SLC39A9: variants seen among roughly 807,000 people sequenced by gnomAD.
SLC39A9 encodes the protein zinc transporter ZIP9.
A neutral mutation model predicts 28.4 loss-of-function variants in SLC39A9; 14 were observed. The observed-to-expected ratio is 0.49, with a 90% CI of 0.33 to 0.77. The LOEUF (loss-of-function observed/expected upper bound fraction) is 0.77. SLC39A9 is among the 30% of genes least tolerant of loss of function. The pLI is 0.02. For synonymous variants in SLC39A9, 119 were observed against 149.6 expected (o/e 0.80, Z 1.49); for missense variants, 283 against 381.1 (o/e 0.74, Z 2.14).
At chr14:69,422,401 A>T (rs192804111) in intron 1 of SLC39A9, among the ~76,000 whole-genome samples, 1 of 151,784 alleles carries the variant, frequency 6.6e-6, no homozygotes, top group East Asian at 1.9e-4. Flanking sequence ...GTAGTTTTTT[A>T]TTATTTTTTA....
In SLC39A9 at chr14:69,460,959, G is replaced by A; in HGVS notation, c.*2366G>A. 1.0e-6 allele frequency: 1 copy of A among 985,622 alleles called. No homozygotes were observed. Among genetic ancestry groups the A allele is most frequent in the African/African-American group, 1.7e-5 (1 of 57,366 alleles). The allele number at this position is 985,622 out of a possible 1,614,324, so 61.1% of individuals were successfully genotyped here. A position where few individuals can be genotyped will look rare whatever the true frequency, so the allele number is the denominator to read the frequency against. On this transcript the variant is annotated 3_prime_UTR_variant, in exon 7 of 7. Coordinates refer to ENST00000336643, the MANE Select transcript of SLC39A9 (RefSeq NM_018375.5). ...GCACAGGCCTTCTTGACTGGAGGAA[G>A]AGCTTGCTGGCATGGTGGGCAGTAT...
At position 69,461,215 on chromosome 14, in the gene SLC39A9, A is replaced by T; in HGVS notation, c.*2622A>T. 1.0e-6 allele frequency: 1 copy of T among 987,848 alleles called. No individual in the cohort carries two copies. The highest frequency in any genetic ancestry group is 1.2e-6 in the Non-Finnish European group (1 of 831,482). 61.2% of individuals were successfully genotyped at this position (987,848 alleles called of 1,614,324 possible). A position where few individuals can be genotyped will look rare whatever the true frequency, so the allele number is the denominator to read the frequency against. ...TTCCATATAACCAAAGTTAATCTTAATTGCAATTTGACTCCGTTTCCTTGG... is the reference window on the plus strand; with the variant it reads ...TTCCATATAACCAAAGTTAATCTTATTTGCAATTTGACTCCGTTTCCTTGG... On this transcript the variant is annotated 3_prime_UTR_variant, in exon 7 of 7. Transcript: ENST00000336643.
intron 2 of SLC39A9, among the ~76,000 whole-genome samples, chr14:69,425,566 A>G (rs966593215): frequency 6.6e-6 from 1 of 152,246 alleles, no homozygotes; most frequent in Non-Finnish European, 1.5e-5. Context: ...AGTAGAGGAA[A>G]GAAGTGCTTC....
At chr14:69,413,979 T>G (rs1420535140) in intron 1 of SLC39A9, among the ~76,000 whole-genome samples, 1 of 152,090 alleles carries the variant, frequency 6.6e-6, no homozygotes, top group East Asian at 1.9e-4. Flanking sequence ...AACATGGGTC[T>G]AAAGATTAAT....
chr14:69,454,893 ATAAGG>A lies in SLC39A9; in HGVS notation c.558+1_558+5del, dbSNP rs771349704. 6.2e-7 allele frequency: 1 copy of A among 1,613,336 alleles called. No individual in the cohort carries two copies. Among genetic ancestry groups the A allele is most frequent in the South Asian group, 1.1e-5 (1 of 90,942 alleles). On this transcript the variant is annotated splice_donor_variant and coding_sequence_variant, in exon 5 of 7. Coordinates refer to ENST00000336643, the MANE Select transcript of SLC39A9 (RefSeq NM_018375.5). LOFTEE classifies it high-confidence loss of function. ...ATTGTGTTTGTGGCAATCATGCTACATAAGGTAAGCAACATTTTGGTGTAAGGTTT... is the reference window on the plus strand; with the variant it reads ...ATTGTGTTTGTGGCAATCATGCTACATAAGCAACATTTTGGTGTAAGGTTT...
intron 1 of SLC39A9, among the ~76,000 whole-genome samples, chr14:69,419,700 A>G (rs1883776903): frequency 6.6e-6 from 1 of 152,154 alleles, no homozygotes; most frequent in African/African-American, 2.4e-5. Context: ...TTGGGTGCAT[A>G]TATGTTTAGG....
Position 69,461,761 on chromosome 14 carries a change from G to C in SLC39A9, c.*3168G>C. 6.5e-7 allele frequency: 1 copy of C among 1,534,174 alleles called. No individual in the cohort carries two copies. Among genetic ancestry groups the C allele is most frequent in the Non-Finnish European group, 8.7e-7 (1 of 1,145,634 alleles). ...AAGCCCCTGAAACACATGGTAGCTA[G>C]GGACTGAACACAGGAACCGTATGAC... On this transcript the variant is annotated 3_prime_UTR_variant, in exon 7 of 7. Coordinates refer to ENST00000336643, the MANE Select transcript of SLC39A9 (RefSeq NM_018375.5).
At position 69,443,901 on chromosome 14, in the gene SLC39A9, T is replaced by C. The variant is rs145411001; in HGVS notation, c.403+1635T>C. Among the ~76,000 whole-genome samples, 982 of 150,544 alleles carry C rather than the reference T, an allele frequency of 6.5e-3. 6 individuals carry two copies. The highest frequency in any genetic ancestry group is 0.023 in the African/African-American group (938 of 40,928). On this transcript the variant is annotated intron_variant, in intron 3 of 6. Coordinates refer to ENST00000336643, the MANE Select transcript of SLC39A9 (RefSeq NM_018375.5). ...ATAATGATAATAAAAATAAAGGAAA[T>C]GTGGCCAAGCGTGGTGGCTCATGCC...
intron 4 of SLC39A9, among the ~76,000 whole-genome samples, chr14:69,453,791 A>G (rs1345102258): frequency 6.6e-6 from 1 of 152,244 alleles, no homozygotes; most frequent in African/African-American, 2.4e-5. Context: ...CAGGAGGCTG[A>G]GGAAGAGATA....
At chr14:69,422,368 C>T (rs1018835032) in intron 1 of SLC39A9, among the ~76,000 whole-genome samples, 10 of 152,100 alleles carry the variant, frequency 6.6e-5, no homozygotes, top group South Asian at 4.1e-4. Flanking sequence ...ACAACAGGTA[C>T]GTACTACCAT....
At chr14:69,407,724 C>T (rs181736377) in intron 1 of SLC39A9, among the ~76,000 whole-genome samples, 11 of 151,262 alleles carry the variant, frequency 7.3e-5, no homozygotes, top group African/African-American at 2.7e-4. Context: ...CTGCAACCTC[C>T]TCCTCTCAGG....
intron 2 of SLC39A9, among the ~76,000 whole-genome samples, chr14:69,438,145 C>A (rs1159448797): frequency 2.0e-5 from 3 of 151,864 alleles, no homozygotes; most frequent in East Asian, 3.9e-4. Context: ...CCTCAGCCTC[C>A]CTAGTAGTTG....
chr14:69,460,350 T>G lies in SLC39A9; in HGVS notation c.*1757T>G. On this transcript the variant is annotated 3_prime_UTR_variant, in exon 7 of 7. Transcript: ENST00000336643. ...AAGTAGCACAAATAGGATACAGTTGTATGTAGTCATTGGCAACAATTGCAT... is the reference window on the plus strand; with the variant it reads ...AAGTAGCACAAATAGGATACAGTTGGATGTAGTCATTGGCAACAATTGCAT... The G allele has an allele frequency of 1.0e-6, 1 of 985,512 alleles. No homozygotes were observed. The highest frequency in any genetic ancestry group is 1.2e-6 in the Non-Finnish European group (1 of 829,932). 61.0% of individuals were successfully genotyped at this position (985,512 alleles called of 1,614,324 possible).
intron 3 of SLC39A9, among the ~76,000 whole-genome samples, chr14:69,444,474 C>A (rs532583300): frequency 6.6e-6 from 1 of 152,238 alleles, no homozygotes; most frequent in East Asian, 1.9e-4. Flanking sequence ...CCGTTTCTTA[C>A]CTGTCAGGCA....
intron 1 of SLC39A9, among the ~76,000 whole-genome samples, chr14:69,413,883 A>G (rs1301677863): frequency 2.0e-5 from 3 of 151,904 alleles, no homozygotes; most frequent in Admixed American, 6.6e-5. Flanking sequence ...CTCCATCTAT[A>G]TATTGAGAGA....
At chr14:69,444,281 T>C (rs1885189523) in intron 3 of SLC39A9, among the ~76,000 whole-genome samples, 1 of 152,186 alleles carries the variant, frequency 6.6e-6, no homozygotes, top group Non-Finnish European at 1.5e-5. Flanking sequence ...AGACATCCCC[T>C]GAATTCTACC....
At chr14:69,414,430 T>G (rs555845612) in intron 1 of SLC39A9, among the ~76,000 whole-genome samples, 1 of 152,164 alleles carries the variant, frequency 6.6e-6, no homozygotes, top group Non-Finnish European at 1.5e-5. Flanking sequence ...AAAATTGTGG[T>G]GAATTATTTT....
At chr14:69,429,985 C>T (rs1280584954) in intron 2 of SLC39A9, among the ~76,000 whole-genome samples, 1 of 152,100 alleles carries the variant, frequency 6.6e-6, no homozygotes, top group Non-Finnish European at 1.5e-5. Flanking sequence ...TTTTCATATG[C>T]TTAATTGCCA....
intron 2 of SLC39A9, among the ~76,000 whole-genome samples, chr14:69,427,838 A>G (rs754281905): frequency 3.9e-5 from 6 of 152,250 alleles, no homozygotes; most frequent in African/African-American, 7.2e-5. Context: ...AACAGGATCT[A>G]CTTAGAGGCA....
Sources: allele counts gnomAD v4.1 joint callset (sites outside exome capture counted in the v4.1 genomes callset), GRCh38; gene constraint gnomAD v4.1.1; transcripts MANE v1.5; gene names NCBI Gene and HGNC (gene_info 2026-07-23, HGNC 2026-07-21).